The following SLC25A21 variants were observed in gnomAD, a reference collection of about 807,000 sequenced individuals.
SLC25A21 encodes the protein mitochondrial 2-oxodicarboxylate carrier.
Under a neutral mutation model 43.8 loss-of-function variants are expected in SLC25A21, and 47 were observed. The ratio of observed to expected loss-of-function variants is 1.07; its 90% confidence interval spans 0.85 to 1.37. The LOEUF (loss-of-function observed/expected upper bound fraction) is 1.37. Among genes scored for constraint, SLC25A21 ranks in the 40% most tolerant of loss-of-function variants. SLC25A21 has a pLI of 0.00. For synonymous variants in SLC25A21, 131 were observed against 121.3 expected, an observed-to-expected ratio of 1.08 and a Z score of -0.52; for missense variants, 352 against 350.2, an observed-to-expected ratio of 1.00 and a Z score of -0.04.
At chr14:36,834,743 C>A (rs1449189084) in intron 2 of SLC25A21, among the ~76,000 whole-genome samples, 1 of 152,180 alleles carries the variant, frequency 6.6e-6, no homozygotes, top group Non-Finnish European at 1.5e-5. Context: ...GCCATTCACA[C>A]TGGTTTGACA....
At chr14:37,137,215 T>C (rs1196126347) in intron 1 of SLC25A21, among the ~76,000 whole-genome samples, 5 of 152,230 alleles carry the variant, frequency 3.3e-5, no homozygotes, top group African/African-American at 9.6e-5. Context: ...GCCAGGGTGG[T>C]CTCAATCTCC....
intron 1 of SLC25A21, among the ~76,000 whole-genome samples, chr14:37,073,644 G>A (rs1045213977): frequency 6.6e-6 from 1 of 152,064 alleles, no homozygotes; most frequent in Non-Finnish European, 1.5e-5. Context: ...GTGTTTTTCT[G>A]CCTCGACCAC....
chr14:36,740,049 G>T (rs570915548), intron 3 of SLC25A21, among the ~76,000 whole-genome samples: 15 of 152,312 alleles, frequency 9.8e-5, no homozygotes, highest in African/African-American at 2.9e-4. Context: ...AGCTGTGTGA[G>T]ATGCCTGTGG....
intron 2 of SLC25A21, among the ~76,000 whole-genome samples, chr14:36,822,827 C>T (rs1888681940): frequency 6.6e-6 from 1 of 152,228 alleles, no homozygotes; most frequent in African/African-American, 2.4e-5. Flanking sequence ...GATTTAAAGA[C>T]TGATATTTTG....
intron 1 of SLC25A21, among the ~76,000 whole-genome samples, chr14:36,892,172 C>G (rs59637513): frequency 0.15 from 23,299 of 151,972 alleles, 2,554 homozygotes; most frequent in East Asian, 0.36. Flanking sequence ...ATTAGTACAG[C>G]CATTATGAAA....
chr14:36,700,857 G>A (rs192444301), intron 7 of SLC25A21, among the ~76,000 whole-genome samples: 16 of 152,294 alleles, frequency 1.1e-4, no homozygotes, highest in African/African-American at 3.1e-4. Flanking sequence ...GGTAGCAACC[G>A]CAAGGCAAAT....
chr14:36,956,091 G>A (rs1020552643), intron 1 of SLC25A21, among the ~76,000 whole-genome samples: 8 of 151,906 alleles, frequency 5.3e-5, no homozygotes, highest in Non-Finnish European at 7.4e-5. Context: ...CACTATATAC[G>A]TATTATTTAT....
At chr14:36,760,389 A>AGGC (rs1886104885) in intron 3 of SLC25A21, among the ~76,000 whole-genome samples, 1 of 146,672 alleles carries the variant, frequency 6.8e-6, no homozygotes, top group East Asian at 2.1e-4. Flanking sequence ...GGAAGGAAGG[A>AGGC]AGGCAGGCCT....
intron 2 of SLC25A21, among the ~76,000 whole-genome samples, chr14:36,841,346 C>T (rs712363): frequency 0.041 from 6,280 of 152,256 alleles, 186 homozygotes; most frequent in Non-Finnish European, 0.059. Context: ...ACTTTTATTA[C>T]ATGTATCTCT....
intron 7 of SLC25A21, among the ~76,000 whole-genome samples, chr14:36,705,204 T>A (rs1883463208): frequency 7.0e-6 from 1 of 142,100 alleles, no homozygotes. Context: ...CCATGCCTGG[T>A]TAATTTTTTT....
At chr14:37,013,724 A>G (rs1173378285) in intron 1 of SLC25A21, among the ~76,000 whole-genome samples, 1 of 152,174 alleles carries the variant, frequency 6.6e-6, no homozygotes, top group Non-Finnish European at 1.5e-5. Flanking sequence ...AATGGTGAGT[A>G]GGCCAGCGTT....
At chr14:36,955,729 G>GT (rs138729832) in intron 1 of SLC25A21, among the ~76,000 whole-genome samples, 35 of 151,342 alleles carry the variant, frequency 2.3e-4, no homozygotes, top group African/African-American at 4.6e-4. Context: ...GCCTAAGGTT[G>GT]TTTTTTTTTG....
intron 1 of SLC25A21, among the ~76,000 whole-genome samples, chr14:36,921,240 T>C (rs371607037): frequency 6.6e-6 from 1 of 152,164 alleles, no homozygotes; most frequent in African/African-American, 2.4e-5. Context: ...CAGCAAGTCA[T>C]ATTCTGTACC....
chr14:36,818,586 T>C (rs1231746976), intron 2 of SLC25A21, among the ~76,000 whole-genome samples: 1 of 152,242 alleles, frequency 6.6e-6, no homozygotes, highest in Non-Finnish European at 1.5e-5. Flanking sequence ...TCTTCTACTG[T>C]GTATCTCACA....
chr14:36,962,197 T>C (rs973931670), intron 1 of SLC25A21, among the ~76,000 whole-genome samples: 1 of 152,222 alleles, frequency 6.6e-6, no homozygotes, highest in African/African-American at 2.4e-5. Flanking sequence ...ATAATGTTTT[T>C]AAATATCTTT....
At chr14:37,009,812 C>T (rs745892952) in intron 1 of SLC25A21, among the ~76,000 whole-genome samples, 1 of 152,146 alleles carries the variant, frequency 6.6e-6, no homozygotes, top group East Asian at 1.9e-4. Flanking sequence ...CCATACAGCA[C>T]AGGACAGGCA....
At chr14:36,938,289 G>C (rs749546593) in intron 1 of SLC25A21, among the ~76,000 whole-genome samples, 6 of 152,134 alleles carry the variant, frequency 3.9e-5, no homozygotes, top group Admixed American at 3.3e-4. Flanking sequence ...TAGGCACAGA[G>C]TGGACTGTGC....
intron 1 of SLC25A21, among the ~76,000 whole-genome samples, chr14:37,086,732 GT>G (rs1292130151): frequency 2.0e-5 from 3 of 152,166 alleles, no homozygotes; most frequent in Non-Finnish European, 4.4e-5. Flanking sequence ...AATTGAATGA[GT>G]TAATCCATGT....
chr14:36,733,949 G>A (rs1450007963), intron 4 of SLC25A21, among the ~76,000 whole-genome samples: 1 of 152,076 alleles, frequency 6.6e-6, no homozygotes, highest in East Asian at 1.9e-4. Flanking sequence ...TGGAAATCAG[G>A]GTAGTGGAAG....
Sources: allele counts gnomAD v4.1 joint callset (sites outside exome capture counted in the v4.1 genomes callset), GRCh38; gene constraint gnomAD v4.1.1; transcripts MANE v1.5; gene names NCBI Gene and HGNC (gene_info 2026-07-23, HGNC 2026-07-21).